CMTM4: variants seen among roughly 807,000 people sequenced by gnomAD.
The protein encoded by CMTM4 is CKLF-like MARVEL transmembrane domain-containing protein 4.
CMTM4 carries 8 observed loss-of-function variants against 19.0 expected under a neutral mutation model. The observed-to-expected ratio is 0.42, with a 90% confidence interval of 0.25 to 0.76. The LOEUF (loss-of-function observed/expected upper bound fraction) is 0.76, where lower values mean the gene tolerates loss of function less well. CMTM4 is among the 30% of genes least tolerant of loss of function. The pLI is 0.27. For missense variants in CMTM4, 228 were observed against 290.2 expected, an observed-to-expected ratio of 0.79 and a Z score of 1.56; for synonymous variants, 106 against 121.1, an observed-to-expected ratio of 0.88 and a Z score of 0.82.
intron 1 of CMTM4, among the ~76,000 whole-genome samples, chr16:66,643,558 T>C (rs165204): frequency 0.049 from 7,432 of 152,272 alleles, 295 homozygotes; most frequent in East Asian, 0.11. Flanking sequence ...CAGAATTCTA[T>C]TGTCATCAGT....
chr16:66,603,290 T>A, the CMTM4 span, among the ~76,000 whole-genome samples: 11 of 152,166 alleles, frequency 7.2e-5, no homozygotes, highest in South Asian at 6.2e-4. Context: ...TTTATTTATT[T>A]TTTTTTTTAT....
intron 1 of CMTM4, among the ~76,000 whole-genome samples, chr16:66,642,987 T>C (rs1209163151): frequency 1.3e-5 from 2 of 152,126 alleles, no homozygotes; most frequent in Admixed American, 1.3e-4. Context: ...AGTGGTGAGA[T>C]CTTGGCAAGT....
At chr16:66,638,624 T>A (rs961682791) in intron 1 of CMTM4, among the ~76,000 whole-genome samples, 6 of 152,146 alleles carry the variant, frequency 3.9e-5, no homozygotes, top group African/African-American at 1.4e-4. Flanking sequence ...TTTGGGAGGC[T>A]GAGGCAGGTG....
chr16:66,636,707 G>A (rs983670688), intron 1 of CMTM4, 126 bp from the exon 2 acceptor site: 12 of 735,134 alleles, frequency 1.6e-5, no homozygotes, highest in Non-Finnish European at 2.7e-5. Flanking sequence ...CTCTGGGACA[G>A]CAGTGTAACT....
At chr16:66,687,393 C>CAA (rs2017052938) in intron 1 of CMTM4, among the ~76,000 whole-genome samples, 1 of 152,082 alleles carries the variant, frequency 6.6e-6, no homozygotes, top group Non-Finnish European at 1.5e-5. Flanking sequence ...GGGCTGGGAG[C>CAA]AGTGGCTCAT....
chr16:66,639,280 T>C (rs8051710), intron 1 of CMTM4, among the ~76,000 whole-genome samples: 61,962 of 152,052 alleles, frequency 0.41, 13,555 homozygotes, highest in Middle Eastern at 0.61. Flanking sequence ...CACACTGTAC[T>C]GATGAGTTAC....
intron 1 of CMTM4, among the ~76,000 whole-genome samples, chr16:66,653,098 T>C (rs1441225038): frequency 6.6e-6 from 1 of 152,144 alleles, no homozygotes; most frequent in Non-Finnish European, 1.5e-5. Context: ...CAGAAAGCAG[T>C]GTCGCATCCC....
chr16:66,688,493 C>T (rs1330788845), intron 1 of CMTM4, among the ~76,000 whole-genome samples: 1 of 151,430 alleles, frequency 6.6e-6, no homozygotes, highest in East Asian at 1.9e-4. Flanking sequence ...ATAAGAGATA[C>T]GAAGTCCATC....
chr16:66,649,854 T>C (rs2016278331), intron 1 of CMTM4, among the ~76,000 whole-genome samples: 1 of 152,016 alleles, frequency 6.6e-6, no homozygotes. Flanking sequence ...CAGACATGTA[T>C]AAGAAAGGCC....
At position 66,631,548 on chromosome 16, in the gene CMTM4, A is replaced by T. The variant is rs996882168; in HGVS notation, c.363+4857T>A. On this transcript the variant is annotated intron_variant, in intron 2 of 3. Transcript: ENST00000394106. ...ATGGTTGCTGTGTCTGTGTAGAAAG[A>T]AGTAGACTTGGGAGACTTTTCATTT... 1.2e-4 allele frequency among the ~76,000 whole-genome samples: 19 copies of T among 152,216 alleles called. 1 individual carries two copies. The highest frequency in any genetic ancestry group is 1.5e-5 in the Non-Finnish European group (1 of 68,026).
chr16:66,659,918 A>G (rs1025290080), intron 1 of CMTM4, among the ~76,000 whole-genome samples: 1 of 152,188 alleles, frequency 6.6e-6, no homozygotes, highest in Non-Finnish European at 1.5e-5. Flanking sequence ...TAAATTTTTT[A>G]AAAATGTTGA....
chr16:66,609,810 C>T (rs2015306168), downstream of CMTM4: 3 of 1,613,996 alleles, frequency 1.9e-6, no homozygotes, highest in Non-Finnish European at 2.5e-6. This position sits in a 1 kb window ranked among gnomAD's most constrained non-coding sequence, Gnocchi z 4.4. Flanking sequence ...TGAAATGGGC[C>T]GTGAGGCTGG....
At chr16:66,685,578 C>G (rs1441931319) in intron 1 of CMTM4, among the ~76,000 whole-genome samples, 1 of 152,162 alleles carries the variant, frequency 6.6e-6, no homozygotes, top group Admixed American at 6.6e-5. Flanking sequence ...TCCTGACACA[C>G]AGCCCTGTCC....
intron 1 of CMTM4, among the ~76,000 whole-genome samples, chr16:66,647,873 G>C (rs1301035176): frequency 6.6e-6 from 1 of 152,178 alleles, no homozygotes; most frequent in Non-Finnish European, 1.5e-5. Flanking sequence ...ATCTGTGTGA[G>C]AGAAGTTGTG....
Position 66,617,797 on chromosome 16 carries a change from A to C in CMTM4, c.*4261T>G. 1.0e-6 allele frequency: 1 copy of C among 998,254 alleles called. No homozygotes were observed. 61.8% of individuals were successfully genotyped at this position (998,254 alleles called of 1,614,324 possible). A position where few individuals can be genotyped will look rare whatever the true frequency, so the allele number is the denominator to read the frequency against. ...AGCTTCAGAGTCACCTGCTGGACCC[A>C]CATGTTCCTGAGCCAGATGCCAGGA... On this transcript the variant is annotated 3_prime_UTR_variant, in exon 4 of 4. Coordinates refer to ENST00000394106, the MANE Select transcript of CMTM4 (RefSeq NM_181521.3).
chr16:66,665,679 G>A (rs1444346873), intron 1 of CMTM4, among the ~76,000 whole-genome samples: 1 of 152,102 alleles, frequency 6.6e-6, no homozygotes, highest in Non-Finnish European at 1.5e-5. Flanking sequence ...AGGAGGCTGA[G>A]ACAGGAGAAT....
chr16:66,636,728 A>C, intron 1 of CMTM4, 147 bp from the exon 2 acceptor site: 1 of 643,962 alleles, frequency 1.6e-6, no homozygotes, highest in Non-Finnish European at 2.7e-6. Context: ...GTCGGAAATC[A>C]GACCTGCTTC....
chr16:66,599,791 G>A, the CMTM4 span, among the ~76,000 whole-genome samples: 5 of 152,224 alleles, frequency 3.3e-5, no homozygotes, highest in South Asian at 1.0e-3. Flanking sequence ...GTCTTTTACA[G>A]ATTTTTTTAA....
intron 1 of CMTM4, among the ~76,000 whole-genome samples, chr16:66,677,933 G>A (rs182270779): frequency 2.0e-4 from 30 of 152,270 alleles, no homozygotes; most frequent in Admixed American, 1.6e-3. Flanking sequence ...TCTGACCTCA[G>A]GTCATTTGCC....
Sources: gnomAD v4.1 joint callset for allele counts (sites outside exome capture counted in the v4.1 genomes callset) on GRCh38, gnomAD v4.1.1 for gene constraint, Gnocchi (gnomAD v3.1) non-coding constraint, MANE v1.5 for transcripts, NCBI Gene and HGNC (gene_info 2026-07-23, HGNC 2026-07-21) for gene names.